Variants in GRIN2A observed in about 807,000 individuals in gnomAD.
The protein encoded by GRIN2A is glutamate ionotropic receptor NMDA type subunit 2A.
Under a neutral mutation model 113.4 loss-of-function variants are expected in GRIN2A, and 22 were observed. The observed-to-expected ratio is 0.19, with a 90% CI of 0.14 to 0.28. The LOEUF (loss-of-function observed/expected upper bound fraction) is 0.28. Among genes scored for constraint, GRIN2A ranks in the 10% least tolerant of loss-of-function variants. GRIN2A has a pLI of 1.00. For synonymous variants in GRIN2A, 827 were observed against 738.4 expected (o/e 1.12, Z -1.94); for missense variants, 1,502 against 1,887.0 (o/e 0.80, Z 3.78).
chr16:10,074,585 T>A (rs930138176), intron 2 of GRIN2A, among the ~76,000 whole-genome samples: 1 of 152,152 alleles, frequency 6.6e-6, no homozygotes, highest in African/African-American at 2.4e-5. Flanking sequence ...TTCTACAACA[T>A]GGATGGGCAT....
At chr16:9,921,240 T>G (rs1188825392) in intron 3 of GRIN2A, among the ~76,000 whole-genome samples, 1 of 152,226 alleles carries the variant, frequency 6.6e-6, no homozygotes, top group Non-Finnish European at 1.5e-5. Flanking sequence ...TTTTGTAGTT[T>G]ATAAAATTAA....
At chr16:10,046,931 G>C (rs2047269702) in intron 2 of GRIN2A, among the ~76,000 whole-genome samples, 2 of 152,124 alleles carry the variant, frequency 1.3e-5, no homozygotes, top group South Asian at 4.2e-4. Context: ...CTACCTTAGT[G>C]CTGTTGACAG....
rs1476764442 is a variant in GRIN2A at position 9,895,498 on chromosome 16, T to C, written c.1008-4398A>G. On this transcript the variant is annotated intron_variant, in intron 3 of 12. Transcript: ENST00000330684. ...TAGACTGAGTTTAGACTTCATCTTG[T>C]GTTTATTTGGAATGGAGGCTTGAAA... 2.6e-5 allele frequency among the ~76,000 whole-genome samples: 4 copies of C among 152,190 alleles called. No homozygotes were observed. In the East Asian group the frequency reaches 7.7e-4, roughly 29 times the overall value.
chr16:10,132,234 A>T (rs2049079143), intron 2 of GRIN2A, among the ~76,000 whole-genome samples: 1 of 151,180 alleles, frequency 6.6e-6, no homozygotes, highest in South Asian at 2.1e-4. Context: ...CAGGAACCTG[A>T]GGCAGGAGAA....
intron 2 of GRIN2A, among the ~76,000 whole-genome samples, chr16:10,025,023 G>A (rs2046793931): frequency 6.6e-6 from 1 of 152,064 alleles, no homozygotes; most frequent in Admixed American, 6.5e-5. Context: ...AAAAGAAGAG[G>A]GAAGGGAGGA....
At chr16:9,873,839 T>C (rs778779141) in intron 4 of GRIN2A, among the ~76,000 whole-genome samples, 49 of 152,196 alleles carry the variant, frequency 3.2e-4, no homozygotes, top group Admixed American at 9.8e-4. Flanking sequence ...CACACTTTAA[T>C]TGTGGAAAGA....
intron 3 of GRIN2A, among the ~76,000 whole-genome samples, chr16:9,916,034 T>C (rs564042832): frequency 5.3e-5 from 8 of 152,328 alleles, no homozygotes; most frequent in Admixed American, 3.9e-4. Flanking sequence ...CTGCCAATTA[T>C]TTGCCAACTT....
intron 3 of GRIN2A, among the ~76,000 whole-genome samples, chr16:9,936,601 C>T (rs974961288): frequency 2.0e-5 from 3 of 152,070 alleles, no homozygotes; most frequent in African/African-American, 7.2e-5. Flanking sequence ...AATGATGGGC[C>T]ACAAGGAACA....
intron 12 of GRIN2A, among the ~76,000 whole-genome samples, chr16:9,765,959 G>A (rs1051405356): frequency 5.9e-5 from 9 of 152,162 alleles, no homozygotes; most frequent in African/African-American, 1.7e-4. Flanking sequence ...AACTGTTTAC[G>A]TTCACTTAAA....
intron 11 of GRIN2A, among the ~76,000 whole-genome samples, chr16:9,780,222 G>A (rs1351630209): frequency 2.0e-5 from 3 of 152,226 alleles, no homozygotes; most frequent in Non-Finnish European, 4.4e-5. Context: ...CTAAAGTTGA[G>A]TAGACGCGCT....
chr16:9,896,101 G>A (rs971623732), intron 3 of GRIN2A, among the ~76,000 whole-genome samples: 4 of 151,854 alleles, frequency 2.6e-5, no homozygotes, highest in African/African-American at 7.3e-5. Flanking sequence ...CCAGGATGGA[G>A]TGCAGTGGTG....
chr16:9,954,567 G>A (rs945139542), intron 2 of GRIN2A, among the ~76,000 whole-genome samples: 5 of 152,144 alleles, frequency 3.3e-5, no homozygotes, highest in African/African-American at 1.2e-4. Flanking sequence ...CTCATTAATA[G>A]CCTGCAGAAT....
intron 10 of GRIN2A, among the ~76,000 whole-genome samples, chr16:9,807,731 C>G (rs1262218812): frequency 4.0e-4 from 61 of 152,284 alleles, no homozygotes; most frequent in Non-Finnish European, 2.9e-5. Flanking sequence ...AGTGTGCCTT[C>G]AGGACACCAT....
At chr16:9,813,556 A>G (rs1029859665) in intron 10 of GRIN2A, among the ~76,000 whole-genome samples, 4 of 139,844 alleles carry the variant, frequency 2.9e-5, no homozygotes, top group Non-Finnish European at 4.6e-5. Flanking sequence ...TTAAAGAATT[A>G]TGATCTCACT....
At chr16:10,052,816 G>C (rs1053476546) in intron 2 of GRIN2A, among the ~76,000 whole-genome samples, 1 of 152,136 alleles carries the variant, frequency 6.6e-6, no homozygotes, top group Admixed American at 6.5e-5. Flanking sequence ...GGAAGGCCAA[G>C]GTGGGCAGAT....
chr16:9,951,994 C>T (rs1309964718), intron 2 of GRIN2A, among the ~76,000 whole-genome samples: 1 of 152,148 alleles, frequency 6.6e-6, no homozygotes, highest in African/African-American at 2.4e-5. Flanking sequence ...TCCCAGCCCC[C>T]AACGATACCG....
chr16:10,172,762 G>T (rs185475230), intron 2 of GRIN2A, among the ~76,000 whole-genome samples: 19 of 152,330 alleles, frequency 1.2e-4, no homozygotes, highest in African/African-American at 4.1e-4. Context: ...ACTTTAAAAT[G>T]TTGGCAAAGA....
chr16:10,003,291 A>G (rs1317930328), intron 2 of GRIN2A, among the ~76,000 whole-genome samples: 1 of 152,224 alleles, frequency 6.6e-6, no homozygotes, highest in Non-Finnish European at 1.5e-5. Flanking sequence ...GGTAGAAGAA[A>G]GAGAAAAACC....
At chr16:9,882,052 AACACACACAC>A (rs141535521) in intron 4 of GRIN2A, among the ~76,000 whole-genome samples, 85 of 150,128 alleles carry the variant, frequency 5.7e-4, no homozygotes, top group African/African-American at 1.9e-3. Flanking sequence ...ACACACACAC[AACACACACAC>A]ACACACACAA....
Sources: gnomAD v4.1 joint callset for allele counts (sites outside exome capture counted in the v4.1 genomes callset) on GRCh38, gnomAD v4.1.1 for gene constraint, MANE v1.5 for transcripts, NCBI Gene and HGNC (gene_info 2026-07-23, HGNC 2026-07-21) for gene names.